NPAS3: variants seen among roughly 807,000 people sequenced by gnomAD.
NPAS3 encodes the protein neuronal PAS domain-containing protein 3.
NPAS3 carries 14 observed loss-of-function variants against 73.1 expected under a neutral mutation model. The observed-to-expected ratio is 0.19, with a 90% CI of 0.13 to 0.30. The LOEUF (loss-of-function observed/expected upper bound fraction) is 0.30, where lower values mean the gene tolerates loss of function less well. Among genes scored for constraint, NPAS3 ranks in the 10% least tolerant of loss-of-function variants. NPAS3 has a pLI of 1.00. For synonymous variants in NPAS3, 620 were observed against 541.5 expected (o/e 1.14, Z -2.01); for missense variants, 1,096 against 1,250.0 (o/e 0.88, Z 1.86).
At chr14:32,993,071 A>C (rs2038401008) in intron 1 of NPAS3, among the ~76,000 whole-genome samples, 1 of 150,414 alleles carries the variant, frequency 6.6e-6, no homozygotes, top group Non-Finnish European at 1.5e-5. Context: ...AATATCTTGA[A>C]CCCGGGCAGT....
chr14:33,684,720 C>G (rs1040807131), intron 6 of NPAS3, among the ~76,000 whole-genome samples: 1 of 152,210 alleles, frequency 6.6e-6, no homozygotes, highest in African/African-American at 2.4e-5. Context: ...ATAGGCCTCC[C>G]CAGCCAGGAT....
chr14:33,622,546 A>G (rs1384782977), intron 5 of NPAS3, among the ~76,000 whole-genome samples: 1 of 152,246 alleles, frequency 6.6e-6, no homozygotes, highest in Non-Finnish European at 1.5e-5. Flanking sequence ...AAAATTCTAC[A>G]GATTTGACAG....
intron 2 of NPAS3, among the ~76,000 whole-genome samples, chr14:33,188,533 T>A (rs942113106): frequency 6.6e-6 from 1 of 152,184 alleles, no homozygotes; most frequent in Admixed American, 6.5e-5. Context: ...AATTGTCTTT[T>A]ATTTCCTTAC....
intron 2 of NPAS3, among the ~76,000 whole-genome samples, chr14:33,139,635 A>G (rs1284610608): frequency 1.3e-5 from 2 of 152,180 alleles, no homozygotes; most frequent in East Asian, 1.9e-4. Context: ...TCTGTTCTGA[A>G]TACAAGCTCC....
intron 4 of NPAS3, among the ~76,000 whole-genome samples, chr14:33,522,854 TAAAG>T (rs1566970522): frequency 6.6e-6 from 1 of 152,020 alleles, no homozygotes; most frequent in Non-Finnish European, 1.5e-5. Flanking sequence ...GTGGAGAAAA[TAAAG>T]AGAGGTTAAT....
chr14:33,205,398 G>A (rs778822062), intron 2 of NPAS3, among the ~76,000 whole-genome samples: 7 of 151,846 alleles, frequency 4.6e-5, no homozygotes, highest in Non-Finnish European at 7.4e-5. Flanking sequence ...TTATTTTTTC[G>A]TAAGGTTTTC....
chr14:32,973,997 A>T (rs1208489832), intron 1 of NPAS3, among the ~76,000 whole-genome samples: 1 of 152,220 alleles, frequency 6.6e-6, no homozygotes, highest in Non-Finnish European at 1.5e-5. Context: ...TGAAGTCAAG[A>T]ACTGTATTAA....
At chr14:33,642,955 CAA>C (rs2058715248) in intron 5 of NPAS3, among the ~76,000 whole-genome samples, 1 of 151,940 alleles carries the variant, frequency 6.6e-6, no homozygotes, top group Non-Finnish European at 1.5e-5. Context: ...GCTCTTAAAC[CAA>C]AAAAGTGTCC....
chr14:33,205,305 A>G (rs543590115), intron 2 of NPAS3, among the ~76,000 whole-genome samples: 2 of 152,278 alleles, frequency 1.3e-5, no homozygotes, highest in South Asian at 4.1e-4. Flanking sequence ...CAGTATCTTG[A>G]GAATATCCCA....
chr14:33,744,431 A>AAAACAATTATAACAGTAATATC (rs1396751123), intron 7 of NPAS3, among the ~76,000 whole-genome samples: 1 of 152,176 alleles, frequency 6.6e-6, no homozygotes, highest in East Asian at 1.9e-4. Flanking sequence ...GTGGCACCCC[A>AAAACAATTATAACAGTAATATC]AAACAATTAT....
At chr14:33,706,719 A>G (rs1595474624) in intron 6 of NPAS3, among the ~76,000 whole-genome samples, 1 of 152,330 alleles carries the variant, frequency 6.6e-6, no homozygotes, top group Admixed American at 6.5e-5. Context: ...CTAGGAGCGC[A>G]GATTATTGTT....
At chr14:33,086,978 T>C (rs2042045444) in intron 2 of NPAS3, among the ~76,000 whole-genome samples, 1 of 151,962 alleles carries the variant, frequency 6.6e-6, no homozygotes, top group South Asian at 2.1e-4. Context: ...TGAAGTTAGA[T>C]CTAGGTCCAT....
intron 7 of NPAS3, among the ~76,000 whole-genome samples, chr14:33,759,036 G>T (rs1227621578): frequency 1.3e-5 from 2 of 152,158 alleles, no homozygotes. Context: ...GATTCGAAGG[G>T]TAGATAAACC....
At chr14:33,039,602 T>A (rs1595298614) in intron 1 of NPAS3, among the ~76,000 whole-genome samples, 1 of 152,252 alleles carries the variant, frequency 6.6e-6, no homozygotes, top group South Asian at 2.1e-4. Context: ...GCAACTTTCA[T>A]GCTGAACAGC....
chr14:33,449,499 GT>G (rs1244591049), intron 4 of NPAS3, among the ~76,000 whole-genome samples: 1 of 151,914 alleles, frequency 6.6e-6, no homozygotes, highest in Non-Finnish European at 1.5e-5. Context: ...TACAGAAAGC[GT>G]TTTTTTGACC....
chr14:33,569,712 A>G (rs934398312), intron 5 of NPAS3, among the ~76,000 whole-genome samples: 3 of 152,140 alleles, frequency 2.0e-5, no homozygotes, highest in African/African-American at 4.8e-5. Flanking sequence ...GTTTTATTCT[A>G]TAGCCTTGAC....
intron 3 of NPAS3, among the ~76,000 whole-genome samples, chr14:33,359,254 G>C (rs10151320): frequency 0.024 from 3,677 of 152,298 alleles, 133 homozygotes; most frequent in African/African-American, 0.083. Context: ...TTAGTTCCCT[G>C]TCGTATCAGT....
chr14:33,732,705 T>G (rs978218779), intron 6 of NPAS3, among the ~76,000 whole-genome samples: 1 of 152,202 alleles, frequency 6.6e-6, no homozygotes, highest in Non-Finnish European at 1.5e-5. Flanking sequence ...TCAGCTTCAC[T>G]GAGGCAAAAC....
At chr14:33,568,419 ATT>A (rs2056066747) in intron 5 of NPAS3, among the ~76,000 whole-genome samples, 1 of 152,154 alleles carries the variant, frequency 6.6e-6, no homozygotes, top group South Asian at 2.1e-4. Context: ...GGCTTATTTT[ATT>A]ATGCAAAGTT....
Sources: allele counts gnomAD v4.1 joint callset (sites outside exome capture counted in the v4.1 genomes callset), GRCh38; gene constraint gnomAD v4.1.1; transcripts MANE v1.5; gene names NCBI Gene and HGNC (gene_info 2026-07-23, HGNC 2026-07-21).